Variants in KLRF2 observed in about 807,000 individuals in gnomAD.
KLRF2 encodes the protein killer cell lectin like receptor F2, also known as killer cell lectin-like receptor subfamily F member 2.
Under a neutral mutation model 25.3 loss-of-function variants are expected in KLRF2, and 28 were observed. The ratio of observed to expected loss-of-function variants is 1.11; its 90% CI spans 0.82 to 1.52. KLRF2 has a LOEUF of 1.52. Among genes scored for constraint, KLRF2 ranks in the 40% most tolerant of loss-of-function variants. The pLI, the probability that KLRF2 is intolerant of heterozygous loss-of-function variation, is 0.00. For missense variants in KLRF2, 265 were observed against 245.8 expected, an observed-to-expected ratio of 1.08 and a Z score of -0.52; for synonymous variants, 73 against 85.0, an observed-to-expected ratio of 0.86 and a Z score of 0.78.
At chr12:9,888,849 G>T in intron 3 of KLRF2, 69 bp downstream of exon 3, 1 of 912,940 alleles carries the variant, frequency 1.1e-6, no homozygotes, top group Non-Finnish European at 1.7e-6. Context: ...CCTCTTCCTG[G>T]CGTTCACCCA....
chr12:9,881,823 T>C (rs564605937), intron 1 of KLRF2, among the ~76,000 whole-genome samples, 158 bp downstream of exon 1: 14 of 152,194 alleles, frequency 9.2e-5, no homozygotes, highest in Non-Finnish European at 1.8e-4. Context: ...CATGAAAGCA[T>C]CAACAATAAA....
intron 2 of KLRF2, among the ~76,000 whole-genome samples, chr12:9,885,368 C>T (rs1037528778): frequency 4.6e-5 from 7 of 151,220 alleles, no homozygotes; most frequent in African/African-American, 1.5e-4. Context: ...CATCTGAAAA[C>T]CATTTTAGGT....
At chr12:9,895,611 G>C in intron 5 of KLRF2, 78 bp from the exon 6 acceptor site, 1 of 1,357,810 alleles carries the variant, frequency 7.4e-7, no homozygotes, top group South Asian at 1.5e-5. Flanking sequence ...ACCTATAAAA[G>C]TTTGGCTGGA....
intron 3 of KLRF2, among the ~76,000 whole-genome samples, chr12:9,891,244 T>C (rs1490503922): frequency 6.7e-6 from 1 of 148,500 alleles, no homozygotes; most frequent in Non-Finnish European, 1.5e-5. Context: ...TTGTTATTAT[T>C]ATCTAAAGCA....
At chr12:9,882,988 TTAAAATC>T (rs1245426666) in intron 1 of KLRF2, among the ~76,000 whole-genome samples, 1 of 152,178 alleles carries the variant, frequency 6.6e-6, no homozygotes, top group Non-Finnish European at 1.5e-5. Flanking sequence ...GTACAGAGAC[TTAAAATC>T]TGAGTATTGA....
rs777106593 is a variant in KLRF2 at position 9,893,094 on chromosome 12, A to G, written c.292A>G (p.Thr98Ala). The change falls in exon 4 of 6, where the codon ACG (threonine) becomes GCG (alanine). Residue 98 changes from threonine (T) to alanine (A), a missense_variant. Physicochemically the swap from Thr to Ala is moderately conservative, Grantham distance 58. Coordinates refer to ENST00000535540, the MANE Select transcript of KLRF2 (RefSeq NM_001190765.1). The part of the protein sequence containing the change: ...KCYWFSTSFK[T>A]WKESQRDCTQ... ...TTACTGGTTTTCAACTTCTTTTAAA[A>G]CGTGGAAAGAGAGTCAACGTGATTG... The G allele has an allele frequency of 6.5e-7, 1 of 1,535,880 alleles. No individual in the cohort carries two copies.
chr12:9,891,753 A>T (rs1466331852), intron 3 of KLRF2, among the ~76,000 whole-genome samples: 2 of 152,158 alleles, frequency 1.3e-5, no homozygotes. Flanking sequence ...ATATATATGA[A>T]GTTTCATGAA....
chr12:9,889,776 A>G (rs897088356), intron 3 of KLRF2, among the ~76,000 whole-genome samples: 2 of 152,078 alleles, frequency 1.3e-5, no homozygotes, highest in Admixed American at 1.3e-4. Flanking sequence ...AGTATAGTGC[A>G]GTGGATAAGA....
At chr12:9,893,664 T>C in intron 5 of KLRF2, 123 bp downstream of exon 5, 1 of 431,446 alleles carries the variant, frequency 2.3e-6, no homozygotes, top group Non-Finnish European at 4.0e-6. Flanking sequence ...CATTTTTTTC[T>C]ACTTTTTCCC....
chr12:9,890,535 G>A (rs1421297724), intron 3 of KLRF2, among the ~76,000 whole-genome samples: 2 of 152,132 alleles, frequency 1.3e-5, no homozygotes, highest in Admixed American at 6.5e-5. Flanking sequence ...CATTTACCAC[G>A]TGTCACTCTT....
At position 9,894,248 on chromosome 12, in the gene KLRF2, C is replaced by T. The variant is rs897920272; in HGVS notation, c.479+707C>T. Among the ~76,000 whole-genome samples, 3 of 150,158 alleles carry T rather than the reference C, an allele frequency of 2.0e-5. No homozygotes were observed. The East Asian group carries it at 5.9e-4, about 30-fold the overall frequency. ...TCAGGCTGGAGTGCAGTGGCATGATCGTGGCTTACTGCAGATTTGACCTTC... is the reference window on the plus strand; with the variant it reads ...TCAGGCTGGAGTGCAGTGGCATGATTGTGGCTTACTGCAGATTTGACCTTC... On this transcript the variant is annotated intron_variant, in intron 5 of 5. Transcript: ENST00000535540.
Position 9,893,372 on chromosome 12 carries a change from A to G in KLRF2, c.367-57A>G, listed in dbSNP as rs975151462. On this transcript the variant is annotated intron_variant, in intron 4 of 5. Transcript: ENST00000535540. The stretch of plus-strand genomic sequence containing the variant: ...GCCGGCACAGAGACTTACACTATAG[A>G]AGGCATCAAAATTTTTTTAAACAAA... 5.6e-6 allele frequency: 5 copies of G among 888,874 alleles called. No homozygotes were observed. The African/African-American group carries it at 8.3e-5, about 15-fold the overall frequency. 55.1% of individuals were successfully genotyped at this position (888,874 alleles called of 1,614,324 possible).
At chr12:9,892,648 G>A (rs1268032013) in intron 3 of KLRF2, among the ~76,000 whole-genome samples, 1 of 138,046 alleles carries the variant, frequency 7.2e-6, no homozygotes, top group Non-Finnish European at 1.5e-5. Flanking sequence ...GTAATGGCTC[G>A]ATCACGGCTC....
chr12:9,881,985 A>G (rs372905458), intron 1 of KLRF2, among the ~76,000 whole-genome samples: 18 of 152,078 alleles, frequency 1.2e-4, no homozygotes, highest in African/African-American at 2.9e-4. Flanking sequence ...TAAAGTTTAT[A>G]TAAACTTAAA....
intron 1 of KLRF2, among the ~76,000 whole-genome samples, chr12:9,882,899 C>T (rs972719222): frequency 4.6e-5 from 7 of 152,116 alleles, no homozygotes; most frequent in African/African-American, 1.7e-4. Context: ...GAAAAATCTA[C>T]CTGATGATGC....
Position 9,895,789 on chromosome 12 carries a change from CAG to C in KLRF2, c.586_587del (p.Asp196CysfsTer?), listed in dbSNP as rs1862749928. The C allele has an allele frequency of 3.3e-6, 5 of 1,535,414 alleles. No individual in the cohort carries two copies. Among genetic ancestry groups the C allele is most frequent in the Non-Finnish European group, 4.4e-6 (5 of 1,146,644 alleles). On this transcript the variant is annotated frameshift_variant, in exon 6 of 6. Transcript: ENST00000535540. LOFTEE classifies it high-confidence loss of function. ...TAGCTCCACATTTAAGGGCATTTGC[CAG>C]AGAGATGCGATCTTGACGCACAATG... ...DCSSTFKGIC[Q>X]RDAILTHNGT...
chr12:9,882,754 C>T (rs1031044423), intron 1 of KLRF2, among the ~76,000 whole-genome samples: 2 of 151,654 alleles, frequency 1.3e-5, no homozygotes, highest in Non-Finnish European at 2.9e-5. Flanking sequence ...GCACTCCAGC[C>T]TGAGTGACAG....
intron 2 of KLRF2, among the ~76,000 whole-genome samples, chr12:9,885,679 A>C (rs1862586228): frequency 6.6e-6 from 1 of 152,014 alleles, no homozygotes; most frequent in African/African-American, 2.4e-5. Flanking sequence ...TGTTTTTCCC[A>C]ATACAACAAG....
intron 2 of KLRF2, among the ~76,000 whole-genome samples, chr12:9,885,484 G>A (rs1167022496): frequency 6.6e-6 from 1 of 151,602 alleles, no homozygotes; most frequent in Non-Finnish European, 1.5e-5. Flanking sequence ...TTTCTGTCTT[G>A]CTTTTAAGGC....
Sources: allele counts gnomAD v4.1 joint callset (sites outside exome capture counted in the v4.1 genomes callset), GRCh38; gene constraint gnomAD v4.1.1; transcripts MANE v1.5; gene names NCBI Gene and HGNC (gene_info 2026-07-23, HGNC 2026-07-21).